The following BMP5 variants were observed in gnomAD, a reference collection of about 807,000 sequenced individuals.
BMP5 encodes bone morphogenetic protein 5.
In BMP5, 23 loss-of-function variants were observed where a neutral mutation model predicts 46.6. That is an observed-to-expected ratio of 0.49 (90% confidence interval 0.35 to 0.70). BMP5 has a LOEUF of 0.70. Ranked by LOEUF, BMP5 falls within the 30% of genes least tolerant of loss-of-function variation. The pLI, the probability that BMP5 is intolerant of heterozygous loss-of-function variation, is 0.00. For synonymous variants in BMP5, 204 were observed against 191.9 expected (o/e 1.06, Z -0.52); for missense variants, 545 against 565.6 (o/e 0.96, Z 0.37).
At chr6:55,862,173 C>T (rs926047494) in intron 1 of BMP5, among the ~76,000 whole-genome samples, 6 of 152,108 alleles carry the variant, frequency 3.9e-5, no homozygotes, top group African/African-American at 9.7e-5. Flanking sequence ...GATAGGTGAA[C>T]GCTAACAACT....
chr6:55,756,730 C>T (rs917831232), intron 6 of BMP5, among the ~76,000 whole-genome samples: 9 of 151,940 alleles, frequency 5.9e-5, no homozygotes, highest in Admixed American at 3.3e-4. Context: ...CTTGAAATTT[C>T]CTAAGGCCTC....
intron 2 of BMP5, among the ~76,000 whole-genome samples, chr6:55,818,823 T>C (rs928767282): frequency 1.3e-5 from 2 of 152,144 alleles, no homozygotes; most frequent in Admixed American, 1.3e-4. Flanking sequence ...AAAAAGGATA[T>C]ATTATTTCAT....
At chr6:55,765,027 T>C (rs777618304) in intron 4 of BMP5, among the ~76,000 whole-genome samples, 1 of 152,160 alleles carries the variant, frequency 6.6e-6, no homozygotes, top group South Asian at 2.1e-4. Context: ...GATTTGATCA[T>C]TACACATTGT....
At chr6:55,783,795 G>A (rs1775382337) in intron 3 of BMP5, among the ~76,000 whole-genome samples, 1 of 151,926 alleles carries the variant, frequency 6.6e-6, no homozygotes, top group South Asian at 2.1e-4. Context: ...TTTGGCATTT[G>A]TTTGGTAAGA....
chr6:55,766,050 C>T (rs1774909452), intron 4 of BMP5, among the ~76,000 whole-genome samples: 2 of 152,046 alleles, frequency 1.3e-5, no homozygotes, highest in South Asian at 2.1e-4. Context: ...ATTTAATAAG[C>T]TTCTTGATTT....
chr6:55,775,531 G>T (rs1775154255), intron 3 of BMP5, among the ~76,000 whole-genome samples: 1 of 151,906 alleles, frequency 6.6e-6, no homozygotes, highest in African/African-American at 2.4e-5. Context: ...TGCTACTCTA[G>T]ATACAGAAGT....
At chr6:55,772,251 C>T (rs1414567256) in intron 4 of BMP5, among the ~76,000 whole-genome samples, 1 of 151,894 alleles carries the variant, frequency 6.6e-6, no homozygotes, top group Admixed American at 6.6e-5. Context: ...TTTTATTCAT[C>T]TCTGCTTATA....
chr6:55,764,325 G>GC (rs1774861724), intron 4 of BMP5, among the ~76,000 whole-genome samples: 1 of 152,158 alleles, frequency 6.6e-6, no homozygotes, highest in African/African-American at 2.4e-5. Context: ...TGTAATCCCA[G>GC]CACTTTGGGA....
intron 2 of BMP5, among the ~76,000 whole-genome samples, chr6:55,807,860 G>A (rs1466249448): frequency 6.6e-6 from 1 of 152,162 alleles, no homozygotes. Context: ...GGTGTTTATA[G>A]TACTGACATG....
chr6:55,851,282 C>T (rs1239138328), intron 1 of BMP5, among the ~76,000 whole-genome samples: 1 of 151,976 alleles, frequency 6.6e-6, no homozygotes, highest in African/African-American at 2.4e-5. Context: ...CGCTTTAAAA[C>T]AGAAAACAGA....
At chr6:55,849,299 T>C (rs1777167771) in intron 1 of BMP5, among the ~76,000 whole-genome samples, 1 of 152,044 alleles carries the variant, frequency 6.6e-6, no homozygotes, top group Non-Finnish European at 1.5e-5. Context: ...TATCAGGTGC[T>C]GATAAAGGTC....
At chr6:55,837,114 C>T (rs1051861589) in intron 1 of BMP5, among the ~76,000 whole-genome samples, 5 of 151,028 alleles carry the variant, frequency 3.3e-5, no homozygotes, top group East Asian at 2.0e-4. Context: ...TGCAGTGGCG[C>T]GATCACTGCT....
intron 6 of BMP5, 144 bp downstream of exon 6, chr6:55,758,861 G>T: frequency 1.5e-6 from 1 of 686,372 alleles, no homozygotes; most frequent in Non-Finnish European, 2.6e-6. Context: ...ACCCACAGTT[G>T]TTACTTCAGC....
At chr6:55,783,837 G>A (rs1026479818) in intron 3 of BMP5, among the ~76,000 whole-genome samples, 1 of 151,706 alleles carries the variant, frequency 6.6e-6, no homozygotes, top group African/African-American at 2.4e-5. Flanking sequence ...TCTGAATTAG[G>A]GAAAATCAAA....
chr6:55,868,153 T>A (rs1052619623), intron 1 of BMP5, among the ~76,000 whole-genome samples: 1 of 152,218 alleles, frequency 6.6e-6, no homozygotes, highest in African/African-American at 2.4e-5. Flanking sequence ...AAATCTTTTC[T>A]TGATTTAGAC....
chr6:55,790,825 G>T (rs1775558372), intron 3 of BMP5, among the ~76,000 whole-genome samples: 1 of 152,068 alleles, frequency 6.6e-6, no homozygotes, highest in Non-Finnish European at 1.5e-5. Context: ...CTCCATCCCA[G>T]GTGTCTTTAG....
At chr6:55,815,196 T>A (rs1342720590) in intron 2 of BMP5, among the ~76,000 whole-genome samples, 1 of 150,828 alleles carries the variant, frequency 6.6e-6, no homozygotes, top group Non-Finnish European at 1.5e-5. Context: ...ATTTCAGGAT[T>A]GAAAAAATAA....
intron 2 of BMP5, among the ~76,000 whole-genome samples, chr6:55,813,786 CA>C (rs148453962): frequency 0.21 from 25,729 of 123,606 alleles, 2,437 homozygotes; most frequent in Non-Finnish European, 0.27. Context: ...GACACCGTCT[CA>C]AAAAAAAAAA....
rs761993705 is a variant in BMP5, at chr6:55,764,312, A to G, written c.1028-3779T>C. On this transcript the variant is annotated intron_variant, in intron 4 of 6. Coordinates refer to ENST00000370830, the MANE Select transcript of BMP5 (RefSeq NM_021073.4). ...AAATTGGCCTGGCGTGGTGTCTCAC[A>G]CCTGTAATCCCAGCACTTTGGGAGG... 1.7e-4 allele frequency among the ~76,000 whole-genome samples: 26 copies of G among 152,252 alleles called. 1 individual carries two copies. The highest frequency in any genetic ancestry group is 5.9e-4 in the Admixed American group (9 of 15,284).
Sources: gnomAD v4.1 joint callset for allele counts (sites outside exome capture counted in the v4.1 genomes callset) on GRCh38, gnomAD v4.1.1 for gene constraint, MANE v1.5 for transcripts, NCBI Gene and HGNC (gene_info 2026-07-23, HGNC 2026-07-21) for gene names.